The following NDRG3 variants were observed in gnomAD, a reference collection of about 807,000 sequenced individuals.
The protein encoded by NDRG3 is NDRG family member 3, also known as protein NDRG3.
In NDRG3, 23 loss-of-function variants were observed where a neutral mutation model predicts 57.2. The observed-to-expected ratio is 0.40, with a 90% CI of 0.29 to 0.57. The LOEUF (loss-of-function observed/expected upper bound fraction) is 0.57. Ranked by LOEUF, NDRG3 falls within the 20% of genes least tolerant of loss-of-function variation. NDRG3 has a pLI of 0.42. For synonymous variants in NDRG3, 132 were observed against 162.6 expected, an observed-to-expected ratio of 0.81 and a Z score of 1.43; for missense variants, 384 against 457.3, an observed-to-expected ratio of 0.84 and a Z score of 1.46.
At chr20:36,727,631 T>C (rs1288551318) in intron 1 of NDRG3, among the ~76,000 whole-genome samples, 1 of 151,292 alleles carries the variant, frequency 6.6e-6, no homozygotes, top group Non-Finnish European at 1.5e-5. Context: ...AAGCTCCGCC[T>C]CCTGGGTTCA....
intron 3 of NDRG3, among the ~76,000 whole-genome samples, chr20:36,699,057 T>C (rs1302866685): frequency 6.6e-6 from 1 of 152,136 alleles, no homozygotes; most frequent in Non-Finnish European, 1.5e-5. Context: ...TCCTCTCACC[T>C]CAGCCTCCCA....
chr20:36,671,337 T>C lies in NDRG3; in HGVS notation c.588+4A>G. ...CAGCTCTTCTGGGTGGAACAGGTACTTACCTGCCCAAAGTGATGAGCCAAA... is the reference window on the plus strand; with the variant it reads ...CAGCTCTTCTGGGTGGAACAGGTACCTACCTGCCCAAAGTGATGAGCCAAA... On this transcript the variant is annotated splice_donor_region_variant and intron_variant, in intron 9 of 15. Coordinates refer to ENST00000349004, the MANE Select transcript of NDRG3 (RefSeq NM_032013.4). The C allele has an allele frequency of 6.2e-7, 1 of 1,612,710 alleles. No individual in the cohort carries two copies. The highest frequency in any genetic ancestry group is 1.1e-5 in the South Asian group (1 of 90,992).
intron 8 of NDRG3, among the ~76,000 whole-genome samples, chr20:36,680,442 G>A (rs1219038912): frequency 6.7e-6 from 1 of 149,428 alleles, no homozygotes; most frequent in East Asian, 2.0e-4. Flanking sequence ...CCAAGATCAT[G>A]CCACTGCACT....
Position 36,701,170 on chromosome 20 carries a change from A to G in NDRG3, c.93+5802T>C, listed in dbSNP as rs147302589. ...CATGTTTATAAAACAACATGAAATC[A>G]TAAAGGTCCTTGACATACTTCTCTA... On this transcript the variant is annotated intron_variant, in intron 3 of 15. Transcript: ENST00000349004. Among the ~76,000 whole-genome samples, 413 of 152,304 alleles carry G rather than the reference A, an allele frequency of 2.7e-3. 5 individuals are homozygous for G. Among genetic ancestry groups the G allele is most frequent in the African/African-American group, 9.6e-3 (400 of 41,562 alleles).
chr20:36,741,294 G>A (rs1055180610), intron 1 of NDRG3, among the ~76,000 whole-genome samples: 1 of 152,084 alleles, frequency 6.6e-6, no homozygotes, highest in African/African-American at 2.4e-5. Context: ...AAGTAAAGCT[G>A]CTATCTGCCC....
Position 36,657,446 on chromosome 20 carries a change from C to T in NDRG3, c.859-914G>A, listed in dbSNP as rs372765785. 5.9e-5 allele frequency among the ~76,000 whole-genome samples: 9 copies of T among 151,536 alleles called. No homozygotes were observed. In the East Asian group the frequency reaches 9.7e-4, roughly 16 times the overall value. ...GAGGTTGCAGTGAGCCAAGATCATGCCACTGCACTCCAACCTGGGCGACAG... is the reference window on the plus strand; with the variant it reads ...GAGGTTGCAGTGAGCCAAGATCATGTCACTGCACTCCAACCTGGGCGACAG... On this transcript the variant is annotated intron_variant, in intron 13 of 15. Coordinates refer to ENST00000349004, the MANE Select transcript of NDRG3 (RefSeq NM_032013.4).
intron 1 of NDRG3, among the ~76,000 whole-genome samples, chr20:36,738,591 G>A (rs1985732220): frequency 6.6e-6 from 1 of 151,356 alleles, no homozygotes; most frequent in South Asian, 2.1e-4. Flanking sequence ...GGGAGGCCGG[G>A]GTGGGCGGAT....
intron 3 of NDRG3, among the ~76,000 whole-genome samples, chr20:36,706,081 GA>G (rs1797822682): frequency 6.6e-6 from 1 of 152,134 alleles, no homozygotes; most frequent in South Asian, 2.1e-4. Context: ...TCAACAGATA[GA>G]AGAGGTAGAT....
At chr20:36,670,799 G>A (rs1980082738) in intron 9 of NDRG3, among the ~76,000 whole-genome samples, 1 of 152,000 alleles carries the variant, frequency 6.6e-6, no homozygotes, top group Non-Finnish European at 1.5e-5. Flanking sequence ...TCACTCCTTT[G>A]TCAGTCACCC....
At chr20:36,696,589 GT>G (rs1217051446) in intron 3 of NDRG3, among the ~76,000 whole-genome samples, 4 of 151,872 alleles carry the variant, frequency 2.6e-5, no homozygotes, top group Admixed American at 2.6e-4. Context: ...CACCTCCCGG[GT>G]TCAAGTGATT....
intron 2 of NDRG3, among the ~76,000 whole-genome samples, chr20:36,719,431 A>C (rs1215326883): frequency 6.6e-6 from 1 of 151,624 alleles, no homozygotes; most frequent in Non-Finnish European, 1.5e-5. Context: ...GTTTCAAAAA[A>C]AAAAAAAAAA....
At chr20:36,693,105 AAT>A (rs1290033865) in intron 3 of NDRG3, among the ~76,000 whole-genome samples, 869 of 25,840 alleles carry the variant, frequency 0.034, 30 homozygotes, top group East Asian at 0.041. Context: ...AAAAAAAAAA[AAT>A]ATATATATAT....
At chr20:36,710,812 CAAA>C (rs35710822) in intron 2 of NDRG3, among the ~76,000 whole-genome samples, 2 of 91,554 alleles carry the variant, frequency 2.2e-5, no homozygotes, top group Non-Finnish European at 4.2e-5. Flanking sequence ...GACTCCGTCT[CAAA>C]AAAAAAAAAA....
At chr20:36,673,265 A>T (rs947388106) in intron 8 of NDRG3, among the ~76,000 whole-genome samples, 1 of 152,222 alleles carries the variant, frequency 6.6e-6, no homozygotes, top group Admixed American at 6.5e-5. Context: ...CATTTCTCCA[A>T]AATGTAAACA....
At chr20:36,656,785 G>A (rs1978712118) in intron 13 of NDRG3, among the ~76,000 whole-genome samples, 1 of 152,198 alleles carries the variant, frequency 6.6e-6, no homozygotes, top group African/African-American at 2.4e-5. Flanking sequence ...TTCTGTTGAG[G>A]TGATAGTGAA....
chr20:36,714,443 CTT>C (rs775474273), intron 2 of NDRG3, among the ~76,000 whole-genome samples: 15 of 124,780 alleles, frequency 1.2e-4, no homozygotes, highest in Non-Finnish European at 1.4e-4. Context: ...TCATTTTCTT[CTT>C]TTTTTTTTTT....
intron 1 of NDRG3, among the ~76,000 whole-genome samples, chr20:36,726,921 T>TTTTTTTTTTTTTTTTC (rs1984971496): frequency 6.6e-6 from 1 of 151,470 alleles, no homozygotes; most frequent in African/African-American, 2.4e-5. Context: ...TTTCTTTTTT[T>TTTTTTTTTTTTTTTTC]TTTTTTTTTC....
At chr20:36,687,645 C>T in intron 4 of NDRG3, 33 bp from the exon 5 acceptor site, 1 of 1,596,814 alleles carries the variant, frequency 6.3e-7, no homozygotes, top group Non-Finnish European at 8.5e-7. Flanking sequence ...AAGTCACAGG[C>T]TCTCCATATC....
intron 15 of NDRG3, among the ~76,000 whole-genome samples, chr20:36,655,134 G>T (rs1033270983): frequency 3.3e-5 from 5 of 152,254 alleles, no homozygotes; most frequent in Non-Finnish European, 7.3e-5. Context: ...GAATGGACTA[G>T]GAGAGGGCCT....
Sources: gnomAD v4.1 joint callset for allele counts (sites outside exome capture counted in the v4.1 genomes callset) on GRCh38, gnomAD v4.1.1 for gene constraint, MANE v1.5 for transcripts, NCBI Gene and HGNC (gene_info 2026-07-23, HGNC 2026-07-21) for gene names.